Variants in AVEN observed in about 807,000 individuals in gnomAD.
AVEN encodes the protein apoptosis and caspase activation inhibitor, also known as cell death regulator Aven.
Under a neutral mutation model 38.1 loss-of-function variants are expected in AVEN, and 41 were observed. The ratio of observed to expected loss-of-function variants is 1.08; its 90% CI spans 0.84 to 1.40. The LOEUF (loss-of-function observed/expected upper bound fraction) is 1.40, where lower values mean the gene tolerates loss of function less well. Among genes scored for constraint, AVEN ranks in the 40% most tolerant of loss-of-function variants. AVEN has a pLI of 0.00. For missense variants in AVEN, 605 were observed against 438.8 expected (o/e 1.38, Z -3.38); for synonymous variants, 206 against 171.8 (o/e 1.20, Z -1.56).
chr15:34,063,968 C>T lies in AVEN; in HGVS notation n.1127-536G>A, dbSNP rs746559330. ...TGGCCAAGGAACCTTCAACGAAAGG[C>T]CTCAATCCCAACCCCAGCCATCAAA... On this transcript the variant is annotated intron_variant and non_coding_transcript_variant, in intron 4 of 11. Coordinates refer to the AVEN transcript ENST00000675287. The surrounding 1 kb of genome is among the most constrained non-coding windows in gnomAD (Gnocchi z 4.1). 6.2e-7 allele frequency: 1 copy of T among 1,614,166 alleles called. No individual in the cohort carries two copies. Among genetic ancestry groups the T allele is most frequent in the Admixed American group, 1.7e-5 (1 of 60,020 alleles).
chr15:33,895,364 TACCCA>T (rs1156962778), intron 2 of AVEN, among the ~76,000 whole-genome samples: 9 of 151,842 alleles, frequency 5.9e-5, no homozygotes, highest in Admixed American at 2.6e-4. Flanking sequence ...CCCACTCTAT[TACCCA>T]GTATGGAGTG....
At chr15:33,963,977 A>G (rs1023376462) in intron 2 of AVEN, among the ~76,000 whole-genome samples, 3 of 151,942 alleles carry the variant, frequency 2.0e-5, no homozygotes, top group Admixed American at 2.0e-4. Flanking sequence ...TTAGAAATCT[A>G]AAAGACTCCA....
At chr15:34,047,240 G>C (rs1017102537) in intron 5 of AVEN, among the ~76,000 whole-genome samples, 1 of 152,056 alleles carries the variant, frequency 6.6e-6, no homozygotes, top group Non-Finnish European at 1.5e-5. Context: ...ACCATGCCCT[G>C]CTAACTTTTT....
intron 1 of AVEN, among the ~76,000 whole-genome samples, chr15:34,027,724 T>C (rs1345648852): frequency 1.3e-5 from 2 of 151,120 alleles, no homozygotes; most frequent in Non-Finnish European, 2.9e-5. Context: ...CAGACTCATT[T>C]CACTCTGTGC....
Position 33,867,031 on chromosome 15 carries a change from T to C in AVEN, c.974-303A>G, listed in dbSNP as rs182765177. ...AAGGATCTCAAATGTAATACATGCA[T>C]GTGGCAATCACCTTAGGCCCCTCTA... On this transcript the variant is annotated intron_variant, in intron 5 of 5. Coordinates refer to ENST00000306730, the MANE Select transcript of AVEN (RefSeq NM_020371.3). 1.2e-4 allele frequency among the ~76,000 whole-genome samples: 19 copies of C among 152,316 alleles called. No individual in the cohort carries two copies. The East Asian group carries it at 3.3e-3, about 26-fold the overall frequency.
chr15:33,921,795 C>T (rs1893404563), intron 2 of AVEN, among the ~76,000 whole-genome samples: 3 of 152,138 alleles, frequency 2.0e-5, no homozygotes, highest in East Asian at 3.8e-4. Context: ...CAAAAGAGAA[C>T]AGAAGAAAAC....
chr15:33,886,088 A>T (rs928170713), intron 2 of AVEN, among the ~76,000 whole-genome samples: 7 of 152,180 alleles, frequency 4.6e-5, no homozygotes, highest in African/African-American at 1.7e-4. Context: ...CTCTGGCTGC[A>T]TGTAACAAAG....
At chr15:33,870,610 T>C (rs1890903462) in intron 4 of AVEN, among the ~76,000 whole-genome samples, 1 of 152,246 alleles carries the variant, frequency 6.6e-6, no homozygotes, top group Non-Finnish European at 1.5e-5. Context: ...GAACGACATC[T>C]GTCTGTTCAC....
At chr15:33,909,275 G>A (rs1475468489) in intron 2 of AVEN, among the ~76,000 whole-genome samples, 1 of 152,142 alleles carries the variant, frequency 6.6e-6, no homozygotes. Context: ...CCCAAGTGTG[G>A]CACAGGCTGG....
chr15:33,984,369 G>A (rs6495421), intron 2 of AVEN, among the ~76,000 whole-genome samples: 65,704 of 151,394 alleles, frequency 0.43, 14,973 homozygotes, highest in African/African-American at 0.56. Flanking sequence ...TGCAAACTCA[G>A]TCACTTTCCT....
intron 2 of AVEN, among the ~76,000 whole-genome samples, chr15:33,978,239 C>T (rs938515233): frequency 2.6e-5 from 4 of 152,162 alleles, no homozygotes; most frequent in African/African-American, 9.7e-5. Context: ...ACTAATATTT[C>T]CTGAGCATCC....
chr15:33,988,773 T>C (rs1238981221), intron 2 of AVEN, among the ~76,000 whole-genome samples: 3 of 152,222 alleles, frequency 2.0e-5, no homozygotes, highest in Admixed American at 2.0e-4. Flanking sequence ...CCTTGATAAA[T>C]GACCTTGCTC....
chr15:34,062,293 C>T (rs1900359686), intron 5 of AVEN, among the ~76,000 whole-genome samples: 3 of 152,162 alleles, frequency 2.0e-5, no homozygotes, highest in Admixed American at 6.5e-5. Flanking sequence ...CGGTGGCTCA[C>T]GCCTGTAATC....
At chr15:33,870,344 G>A (rs1020653341) in intron 4 of AVEN, among the ~76,000 whole-genome samples, 6 of 152,080 alleles carry the variant, frequency 3.9e-5, no homozygotes, top group African/African-American at 1.4e-4. Flanking sequence ...TTCTCTACTT[G>A]GCAGCCCCAT....
At chr15:33,922,524 C>A (rs936006316) in intron 2 of AVEN, among the ~76,000 whole-genome samples, 1 of 152,084 alleles carries the variant, frequency 6.6e-6, no homozygotes, top group Non-Finnish European at 1.5e-5. Context: ...CAGCCTCAAC[C>A]CCTGGGCTCA....
chr15:33,919,074 A>G lies in AVEN; in HGVS notation c.446-43079T>C, dbSNP rs1425559586. ...TAGCTGGGATTACAGGCACCTGCCC[A>G]TCACGCCCGGCTAATTTTTTGTATT... On this transcript the variant is annotated intron_variant, in intron 2 of 5. Transcript: ENST00000306730. 2.0e-5 allele frequency among the ~76,000 whole-genome samples: 3 copies of G among 151,868 alleles called. No individual in the cohort carries two copies. The East Asian group carries it at 5.8e-4, about 29-fold the overall frequency.
downstream of AVEN, chr15:33,857,865 A>G (rs930473689): frequency 6.2e-7 from 1 of 1,614,072 alleles, no homozygotes. Flanking sequence ...TTCTACAACA[A>G]AAGCGAAGAC....
intron 2 of AVEN, among the ~76,000 whole-genome samples, chr15:33,915,156 G>A (rs968462427): frequency 2.0e-5 from 3 of 152,150 alleles, no homozygotes; most frequent in African/African-American, 7.2e-5. Flanking sequence ...GGGGAAAATG[G>A]TAGATAGGAG....
chr15:33,852,147 C>CT, the AVEN span: 5 of 151,704 alleles, frequency 3.3e-5, no homozygotes, highest in East Asian at 3.9e-4. Context: ...CTGTTGTGTT[C>CT]TAGAACCAAA....
Sources: gnomAD v4.1 joint callset for allele counts (sites outside exome capture counted in the v4.1 genomes callset) on GRCh38, gnomAD v4.1.1 for gene constraint, Gnocchi (gnomAD v3.1) non-coding constraint, MANE v1.5 for transcripts, NCBI Gene and HGNC (gene_info 2026-07-23, HGNC 2026-07-21) for gene names.